POU2AF1: variants seen among roughly 807,000 people sequenced by gnomAD.
The protein encoded by POU2AF1 is POU domain class 2-associating factor 1.
Under a neutral mutation model 26.3 loss-of-function variants are expected in POU2AF1, and 12 were observed. The observed-to-expected ratio is 0.46, with a 90% CI of 0.29 to 0.74. The LOEUF (loss-of-function observed/expected upper bound fraction) is 0.74, where lower values mean the gene tolerates loss of function less well. POU2AF1 is among the 30% of genes least tolerant of loss of function. POU2AF1 has a pLI of 0.09. For synonymous variants in POU2AF1, 175 were observed against 148.0 expected (o/e 1.18, Z -1.32); for missense variants, 297 against 334.5 (o/e 0.89, Z 0.87).
At chr11:111,375,892 T>A (rs2135141765) in intron 1 of POU2AF1, among the ~76,000 whole-genome samples, 1 of 152,336 alleles carries the variant, frequency 6.6e-6, no homozygotes, top group Middle Eastern at 3.4e-3. Flanking sequence ...GACAGAGCTG[T>A]GTTCCAATAA....
chr11:111,358,754 A>G (rs1056127312), intron 2 of POU2AF1, 34 bp downstream of exon 2: 3 of 1,547,278 alleles, frequency 1.9e-6, no homozygotes, highest in Non-Finnish European at 1.7e-6. Context: ...TTTCACACAC[A>G]CACACTCACA....
chr11:111,378,225 A>T (rs1440926505), intron 1 of POU2AF1, among the ~76,000 whole-genome samples: 1 of 152,210 alleles, frequency 6.6e-6, no homozygotes, highest in African/African-American at 2.4e-5. Flanking sequence ...AGATTCTCTT[A>T]TATTAAGCTT....
intron 1 of POU2AF1, among the ~76,000 whole-genome samples, chr11:111,369,852 C>T (rs1861174497): frequency 6.6e-6 from 1 of 152,152 alleles, no homozygotes; most frequent in Non-Finnish European, 1.5e-5. Flanking sequence ...TCTAGAATTG[C>T]CCATCTGAGC....
At chr11:111,357,334 T>A in intron 4 of POU2AF1, 111 bp downstream of exon 4, 1 of 1,484,966 alleles carries the variant, frequency 6.7e-7, no homozygotes, top group East Asian at 2.3e-5. Flanking sequence ...TCTGATGACC[T>A]GATTATCTTG....
chr11:111,364,847 C>T (rs1042557404), intron 1 of POU2AF1, among the ~76,000 whole-genome samples: 1 of 152,330 alleles, frequency 6.6e-6, no homozygotes, highest in Non-Finnish European at 1.5e-5. Flanking sequence ...GAGGAATGTA[C>T]CTTTCCTTAT....
rs749975534 is a variant in POU2AF1, at chr11:111,354,570, T to C, written c.462A>G (p.Arg154=). The C allele has an allele frequency of 3.9e-6, 6 of 1,521,346 alleles. No homozygotes were observed. The highest frequency in any genetic ancestry group is 4.4e-6 in the Non-Finnish European group (5 of 1,140,382). 94.2% of individuals were successfully genotyped at this position (1,521,346 alleles called of 1,614,324 possible). ...GCCCCACTGCGGGCGTGGCGGAGCT[T>C]CTTGTCTGTGACAGGAAAACACGTG... The part of the protein sequence containing the change: ...SPPLITNVTT[R]SSATPAVGPP... The change falls in exon 5 of 5, where the codon AGA becomes AGG. Residue 154 remains arginine, a synonymous_variant. Coordinates refer to ENST00000393067, the MANE Select transcript of POU2AF1 (RefSeq NM_006235.3).
chr11:111,358,227 G>T (rs116804762), intron 2 of POU2AF1, among the ~76,000 whole-genome samples: 126 of 151,662 alleles, frequency 8.3e-4, no homozygotes, highest in Non-Finnish European at 1.5e-3. Flanking sequence ...AGGGACCTGC[G>T]CTCCTTCCTG....
chr11:111,371,703 G>T (rs1407524615), intron 1 of POU2AF1, among the ~76,000 whole-genome samples: 1 of 152,032 alleles, frequency 6.6e-6, no homozygotes, highest in African/African-American at 2.4e-5. Context: ...TGACAGAATG[G>T]GAAAATAATA....
At position 111,359,287 on chromosome 11, in the gene POU2AF1, T is replaced by A. The variant is rs76683216; in HGVS notation, c.17-369A>T. On this transcript the variant is annotated intron_variant, in intron 1 of 4. Coordinates refer to ENST00000393067, the MANE Select transcript of POU2AF1 (RefSeq NM_006235.3). ...CGTGTCTCACCTCCTCATCTGTGGTTGAGGTTTTCCGTGGTCAGAATTCCC... is the reference window on the plus strand; with the variant it reads ...CGTGTCTCACCTCCTCATCTGTGGTAGAGGTTTTCCGTGGTCAGAATTCCC... 6.9e-3 allele frequency: 1,782 copies of A among 260,066 alleles called. 33 individuals are homozygous for A. Among genetic ancestry groups the A allele is most frequent in the African/African-American group, 0.037 (1,639 of 44,266 alleles). The allele number at this position is 260,066 out of a possible 1,614,324, so 16.1% of individuals were successfully genotyped here.
chr11:111,371,849 T>C (rs1265230855), intron 1 of POU2AF1, among the ~76,000 whole-genome samples: 1 of 152,000 alleles, frequency 6.6e-6, no homozygotes, highest in Admixed American at 6.6e-5. Flanking sequence ...GAAAAAGGAC[T>C]TACCAGTGTC....
Position 111,354,275 on chromosome 11 carries a change from CAG to C in POU2AF1, c.755_756del (p.Ser252CysfsTer11). ...SDAYALNHTL[S>X]VEGF ...GGGAGCCACGCCTAAAAGCCTTCCA[CAG>C]AGAGAGTGTGGTTAAGCGCATAGGC... On this transcript the variant is annotated frameshift_variant, in exon 5 of 5. Coordinates refer to ENST00000393067, the MANE Select transcript of POU2AF1 (RefSeq NM_006235.3). LOFTEE classifies it high-confidence loss of function. 1 of 1,614,150 alleles carries C rather than the reference CAG, an allele frequency of 6.2e-7. No homozygotes were observed. The highest frequency in any genetic ancestry group is 8.5e-7 in the Non-Finnish European group (1 of 1,180,020).
intron 4 of POU2AF1, among the ~76,000 whole-genome samples, chr11:111,355,435 C>T (rs1860824550): frequency 6.6e-6 from 1 of 152,200 alleles, no homozygotes. Context: ...TTGAGGAAAG[C>T]AGATAGAAGA....
chr11:111,377,328 C>A (rs963365083), intron 1 of POU2AF1, among the ~76,000 whole-genome samples: 1 of 151,898 alleles, frequency 6.6e-6, no homozygotes, highest in East Asian at 1.9e-4. Flanking sequence ...TGCAGTGAGC[C>A]GAGATCGCGC....
chr11:111,354,235 G>C lies in POU2AF1; in HGVS notation c.*26C>G, dbSNP rs374236313. The stretch of plus-strand genomic sequence containing the variant: ...CTCATTTTAAAATCCCAGTTTCAGG[G>C]AACAGGACTCAGGTGGGAGCCACGC... On this transcript the variant is annotated 3_prime_UTR_variant, in exon 5 of 5. Transcript: ENST00000393067. 2.5e-6 allele frequency: 4 copies of C among 1,609,356 alleles called. No homozygotes were observed. In the African/African-American group the frequency reaches 5.4e-5, roughly 22 times the overall value.
Position 111,357,506 on chromosome 11 carries a change from G to T in POU2AF1, c.395C>A (p.Thr132Lys). The T allele has an allele frequency of 6.2e-7, 1 of 1,614,116 alleles. No individual in the cohort carries two copies. The highest frequency in any genetic ancestry group is 8.5e-7 in the Non-Finnish European group (1 of 1,179,966). ...MYVQPVCPSYTVVGPSSVLTY... is the reference protein window; with the variant it reads ...MYVQPVCPSYKVVGPSSVLTY... Reference sequence around the variant, plus strand: ...CAACACTGAGGAGGGCCCCACCACCGTGTAGCTGGGGCACACGGGCTGCAC... The same window carrying T: ...CAACACTGAGGAGGGCCCCACCACCTTGTAGCTGGGGCACACGGGCTGCAC... The change falls in exon 4 of 5, where the codon ACG becomes AAG. Residue 132 changes from threonine to lysine, a missense_variant. Coordinates refer to ENST00000393067, the MANE Select transcript of POU2AF1 (RefSeq NM_006235.3).
At chr11:111,379,043 C>A (rs1309848643) in intron 1 of POU2AF1, 119 bp downstream of exon 1, 4 of 1,109,902 alleles carry the variant, frequency 3.6e-6, no homozygotes, top group Non-Finnish European at 5.2e-6. Flanking sequence ...GGAACCCAGA[C>A]CCCCTCCCCC....
chr11:111,368,223 A>G (rs1054640918), intron 1 of POU2AF1, among the ~76,000 whole-genome samples: 3 of 152,210 alleles, frequency 2.0e-5, no homozygotes, highest in African/African-American at 4.8e-5. Context: ...GGCTTGAACA[A>G]GCAGCAAACT....
chr11:111,372,820 G>A (rs928681810), intron 1 of POU2AF1, among the ~76,000 whole-genome samples: 2 of 152,204 alleles, frequency 1.3e-5, no homozygotes, highest in African/African-American at 4.8e-5. Context: ...AATGGCATCA[G>A]ATGTCAGCAG....
At chr11:111,363,856 C>T in intron 1 of POU2AF1, 2 of 985,342 alleles carry the variant, frequency 2.0e-6, no homozygotes, top group Non-Finnish European at 2.4e-6. Context: ...GTCTGAGGGC[C>T]TTTTAAGTCT....
Sources: allele counts gnomAD v4.1 joint callset (sites outside exome capture counted in the v4.1 genomes callset), GRCh38; gene constraint gnomAD v4.1.1; transcripts MANE v1.5; gene names NCBI Gene and HGNC (gene_info 2026-07-23, HGNC 2026-07-21).